COL4A4: variants seen among roughly 807,000 people sequenced by gnomAD.
COL4A4 encodes the protein collagen type IV alpha 4 chain.
COL4A4 carries 105 observed loss-of-function variants against 192.9 expected under a neutral mutation model. That is an observed-to-expected ratio of 0.54 (90% CI 0.46 to 0.64). The LOEUF is 0.64. Among genes scored for constraint, COL4A4 ranks in the 30% least tolerant of loss-of-function variants. COL4A4 has a pLI of 0.00. For missense variants in COL4A4, 1,967 were observed against 2,169.3 expected (o/e 0.91, Z 1.85); for synonymous variants, 762 against 769.9 (o/e 0.99, Z 0.17).
chr2:227,060,099 C>CAGAAAAAAAA, intron 27 of COL4A4, 37 bp downstream of exon 27: 1 of 417,146 alleles, frequency 2.4e-6, no homozygotes, highest in Non-Finnish European at 3.2e-6. Flanking sequence ...ATTCCCAAAG[C>CAGAAAAAAAA]AGAAAAAAAA....
chr2:227,016,169 C>T (rs1393981283), intron 44 of COL4A4, among the ~76,000 whole-genome samples: 2 of 152,044 alleles, frequency 1.3e-5, no homozygotes, highest in Admixed American at 1.3e-4. Context: ...AGGATAGGGG[C>T]AAGAGATGCT....
At chr2:227,056,175 A>G in intron 29 of COL4A4, 60 bp from the exon 30 acceptor site, 3 of 1,458,054 alleles carry the variant, frequency 2.1e-6, no homozygotes, top group African/African-American at 1.4e-5. Flanking sequence ...CACACACAGC[A>G]GGAAAAATAT....
In COL4A4 at chr2:227,035,634, A is replaced by T. The variant is rs1267661043; in HGVS notation, c.3506-2153T>A. ...AGTTTATTCTCCAATCCTCTTTCCT[A>T]TTTTATGAGCCAACGTTTCAAGTTT... On this transcript the variant is annotated intron_variant, in intron 37 of 47. Transcript: ENST00000396625. Among the ~76,000 whole-genome samples, 3 of 151,890 alleles carry T rather than the reference A, an allele frequency of 2.0e-5. No homozygotes were observed. In the East Asian group the frequency reaches 5.8e-4, roughly 29 times the overall value.
chr2:227,103,320 T>C (rs1361577917), intron 13 of COL4A4, 123 bp from the exon 14 acceptor site: 5 of 767,730 alleles, frequency 6.5e-6, no homozygotes, highest in African/African-American at 1.8e-5. Flanking sequence ...TCTTAAGAGA[T>C]TACTCTTCAC....
intron 46 of COL4A4, among the ~76,000 whole-genome samples, chr2:227,008,524 GGT>G (rs938967654): frequency 6.6e-6 from 1 of 152,206 alleles, no homozygotes; most frequent in African/African-American, 2.4e-5. Flanking sequence ...CAGGGGGCCA[GGT>G]GCTGGAGGTG....
Position 227,103,858 on chromosome 2 carries a change from T to G in COL4A4, c.816+114A>C. On this transcript the variant is annotated intron_variant, in intron 13 of 47. Coordinates refer to ENST00000396625, the MANE Select transcript of COL4A4 (RefSeq NM_000092.5). ...TAGTACCAACTTATTAAAGTAGGTT[T>G]GAAACTAGTGCAGTGATGCATAGAA... is the stretch of plus-strand genomic sequence containing the variant. 5 of 785,656 alleles carry G rather than the reference T, an allele frequency of 6.4e-6. No individual in the cohort carries two copies. The South Asian group carries it at 7.3e-5, about 11-fold the overall frequency. 48.7% of individuals were successfully genotyped at this position (785,656 alleles called of 1,614,324 possible).
At chr2:227,120,929 A>G in intron 5 of COL4A4, 85 bp downstream of exon 5, 1 of 1,552,736 alleles carries the variant, frequency 6.4e-7, no homozygotes. Flanking sequence ...ACAGAGTAAG[A>G]CTGTCTAAAA....
intron 17 of COL4A4, among the ~76,000 whole-genome samples, chr2:227,100,172 A>G (rs2060427041): frequency 6.6e-6 from 1 of 152,128 alleles, no homozygotes; most frequent in African/African-American, 2.4e-5. Context: ...CAAGTGCCAG[A>G]TGAGGTCACA....
rs555340783 is a variant in COL4A4, at chr2:227,135,733, C to T, written c.192+4428G>A. Reference sequence around the variant, plus strand: ...TCTCAGCTCACTGTAACCTCCGCCTCATGGGTTCAAGCAATTCTCCTGCCT... The same window carrying T: ...TCTCAGCTCACTGTAACCTCCGCCTTATGGGTTCAAGCAATTCTCCTGCCT... On this transcript the variant is annotated intron_variant, in intron 4 of 47. Transcript: ENST00000396625. Among the ~76,000 whole-genome samples the T allele has an allele frequency of 2.0e-5, 3 of 152,216 alleles. No individual in the cohort carries two copies. The East Asian group carries it at 5.8e-4, about 29-fold the overall frequency.
chr2:227,064,544 A>G (rs1042764816), intron 25 of COL4A4, among the ~76,000 whole-genome samples: 3 of 152,228 alleles, frequency 2.0e-5, no homozygotes, highest in African/African-American at 7.2e-5. Context: ...AACTCCTGGG[A>G]AATTCATTGC....
chr2:227,154,645 A>C (rs1036203679), intron 1 of COL4A4, among the ~76,000 whole-genome samples: 9 of 152,228 alleles, frequency 5.9e-5, no homozygotes, highest in African/African-American at 2.2e-4. Context: ...CTCTCTTTCC[A>C]AAATAATTTT....
At chr2:227,072,054 C>A (rs776952177) in intron 25 of COL4A4, among the ~76,000 whole-genome samples, 1 of 151,208 alleles carries the variant, frequency 6.6e-6, no homozygotes, top group Non-Finnish European at 1.5e-5. Context: ...CAGACTGAAC[C>A]AAATGAAATG....
chr2:227,012,959 G>A (rs1055984534), intron 44 of COL4A4, among the ~76,000 whole-genome samples: 7 of 152,210 alleles, frequency 4.6e-5, no homozygotes, highest in Admixed American at 2.6e-4. Context: ...GCAGTCACAT[G>A]TGGAGAGGAA....
intron 3 of COL4A4, among the ~76,000 whole-genome samples, chr2:227,143,256 C>T (rs2063340086): frequency 6.6e-6 from 1 of 152,182 alleles, no homozygotes; most frequent in Non-Finnish European, 1.5e-5. Context: ...AGGGAGCTCC[C>T]TTCTGTCTAT....
Position 227,008,079 on chromosome 2 carries a change from T to A in COL4A4, c.4748A>T (p.Gln1583Leu), listed in dbSNP as rs761176815. 1.2e-6 allele frequency: 2 copies of A among 1,614,104 alleles called. No individual in the cohort carries two copies. Among genetic ancestry groups the A allele is most frequent in the South Asian group, 2.2e-5 (2 of 91,088 alleles). ...AQAVAVHSQD[Q>L]SIPPCPQTWR... ...GGTCTGCGGACATGGGGGGATGGAC[T>A]GGTCCTGGCTGTGCACCGCCACCGC... The change falls in exon 47 of 48, where the codon CAG becomes CTG. Residue 1583 changes from glutamine to leucine, a missense_variant. Coordinates refer to ENST00000396625, the MANE Select transcript of COL4A4 (RefSeq NM_000092.5).
intron 15 of COL4A4, 82 bp downstream of exon 15, chr2:227,102,707 T>C: frequency 8.5e-7 from 1 of 1,176,264 alleles, no homozygotes; most frequent in East Asian, 2.3e-5. Flanking sequence ...TTTGAGCTTG[T>C]GGGACTACTG....
the COL4A4 span, among the ~76,000 whole-genome samples, chr2:226,989,020 C>G: frequency 6.6e-6 from 1 of 152,354 alleles, no homozygotes; most frequent in South Asian, 2.1e-4. Context: ...ATAATACATT[C>G]TGGAGGTTTA....
chr2:226,975,794 A>G, the COL4A4 span, among the ~76,000 whole-genome samples: 1 of 152,216 alleles, frequency 6.6e-6, no homozygotes, highest in African/African-American at 2.4e-5. Flanking sequence ...ACTACAGATT[A>G]TTTAGAAAAT....
chr2:227,054,949 T>G (rs972875878), intron 30 of COL4A4, among the ~76,000 whole-genome samples: 1 of 151,886 alleles, frequency 6.6e-6, no homozygotes, highest in African/African-American at 2.4e-5. Flanking sequence ...GCCACCGCCC[T>G]TGGCTAATTT....
Sources: gnomAD v4.1 joint callset for allele counts (sites outside exome capture counted in the v4.1 genomes callset) on GRCh38, gnomAD v4.1.1 for gene constraint, MANE v1.5 for transcripts, NCBI Gene and HGNC (gene_info 2026-07-23, HGNC 2026-07-21) for gene names.